FAM13A: variants seen among roughly 807,000 people sequenced by gnomAD.
The protein encoded by FAM13A is family with sequence similarity 13 member A.
Under a neutral mutation model 129.6 loss-of-function variants are expected in FAM13A, and 76 were observed. That is an observed-to-expected ratio of 0.59 (90% CI 0.49 to 0.71). The LOEUF is 0.71. FAM13A is among the 30% of genes least tolerant of loss of function. FAM13A has a pLI of 0.00. For missense variants in FAM13A, 1,108 were observed against 1,249.3 expected (o/e 0.89, Z 1.70); for synonymous variants, 443 against 449.9 (o/e 0.98, Z 0.20).
intron 14 of FAM13A, 73 bp downstream of exon 14, chr4:88,758,681 A>G: frequency 6.9e-7 from 1 of 1,440,916 alleles, no homozygotes; most frequent in South Asian, 1.3e-5. Flanking sequence ...TCACATAGTT[A>G]CATGCCTCTC....
chr4:88,741,089 T>C (rs1460734314), intron 19 of FAM13A, among the ~76,000 whole-genome samples: 2 of 152,202 alleles, frequency 1.3e-5, no homozygotes, highest in Non-Finnish European at 2.9e-5. Flanking sequence ...TGAAACACTT[T>C]GGAAAACTAT....
intron 4 of FAM13A, among the ~76,000 whole-genome samples, chr4:88,986,860 T>A (rs1224711364): frequency 1.3e-5 from 2 of 152,360 alleles, no homozygotes; most frequent in East Asian, 3.9e-4. Flanking sequence ...ATAAATCCAT[T>A]ATTTCTTCCA....
chr4:88,906,557 C>T, intron 5 of FAM13A, 95 bp from the exon 6 acceptor site: 1 of 806,138 alleles, frequency 1.2e-6, no homozygotes. Flanking sequence ...GAAGAGAGAG[C>T]ATTTCTGGAT....
At chr4:88,800,122 G>A (rs1174827219) in intron 8 of FAM13A, among the ~76,000 whole-genome samples, 2 of 152,158 alleles carry the variant, frequency 1.3e-5, no homozygotes, top group Non-Finnish European at 2.9e-5. Context: ...GACAGAGAGT[G>A]AAATGGTGGT....
intron 6 of FAM13A, among the ~76,000 whole-genome samples, chr4:88,872,061 A>G (rs558013226): frequency 6.6e-6 from 1 of 152,296 alleles, no homozygotes; most frequent in Non-Finnish European, 1.5e-5. Context: ...CACAAGTGAA[A>G]GAGAAATAAA....
intron 1 of FAM13A, among the ~76,000 whole-genome samples, chr4:89,052,652 G>A (rs1390562610): frequency 6.6e-6 from 1 of 151,894 alleles, no homozygotes; most frequent in Non-Finnish European, 1.5e-5. Flanking sequence ...GGCTTCTGTT[G>A]ACATGGCTGA....
At chr4:88,897,402 A>G (rs761924321) in intron 6 of FAM13A, among the ~76,000 whole-genome samples, 37 of 152,198 alleles carry the variant, frequency 2.4e-4, no homozygotes, top group Non-Finnish European at 4.1e-4. Flanking sequence ...ACTCAAATTA[A>G]GATGTGGCTT....
chr4:88,851,079 T>C lies in FAM13A; in HGVS notation c.948A>G (p.Lys316=). The C allele has an allele frequency of 6.2e-7, 1 of 1,614,034 alleles. No homozygotes were observed. Among genetic ancestry groups the C allele is most frequent in the Non-Finnish European group, 8.5e-7 (1 of 1,180,000 alleles). ...PQLSLRLSYR[K]ACLEDMNSAE... ...CTGAATTCATGTCTTCCAAGCAGGC[T>C]TTTCTATAACTTAGCCGCAAGCTGA... is the stretch of plus-strand genomic sequence containing the variant. Residue 316 remains lysine, a synonymous_variant, in exon 7 of 24, where the codon AAA becomes AAG. Coordinates refer to ENST00000264344, the MANE Select transcript of FAM13A (RefSeq NM_014883.4).
intron 8 of FAM13A, among the ~76,000 whole-genome samples, chr4:88,792,058 A>C (rs996607952): frequency 6.6e-6 from 1 of 152,140 alleles, no homozygotes; most frequent in Admixed American, 6.6e-5. Flanking sequence ...AGCTGATTCA[A>C]ATTCGTATTA....
intron 6 of FAM13A, among the ~76,000 whole-genome samples, chr4:88,862,122 T>C (rs76704358): frequency 0.11 from 16,825 of 152,276 alleles, 1,037 homozygotes; most frequent in Non-Finnish European, 0.14. Context: ...CTAGAGCTTG[T>C]AGTCTAGTGG....
intron 4 of FAM13A, among the ~76,000 whole-genome samples, chr4:88,988,533 A>G (rs1762548035): frequency 1.3e-5 from 2 of 152,226 alleles, no homozygotes; most frequent in South Asian, 4.1e-4. Context: ...AAAAATACAT[A>G]TTTACATATA....
intron 4 of FAM13A, among the ~76,000 whole-genome samples, chr4:88,957,145 G>A (rs1463637721): frequency 6.6e-6 from 1 of 152,198 alleles, no homozygotes; most frequent in African/African-American, 2.4e-5. Flanking sequence ...GGCTAACATG[G>A]TGAAATGCCA....
At position 88,781,496 on chromosome 4, in the gene FAM13A, T is replaced by C. The variant is rs1722860681; in HGVS notation, c.1272-145A>G. 1.5e-5 allele frequency: 8 copies of C among 530,142 alleles called. No individual in the cohort carries two copies. The South Asian group carries it at 2.4e-4, about 16-fold the overall frequency. 32.8% of individuals were successfully genotyped at this position (530,142 alleles called of 1,614,324 possible). On this transcript the variant is annotated intron_variant, in intron 10 of 23. Transcript: ENST00000264344. ...ATCTCTGATCAAAATCTGAGCAGAG[T>C]GCCACTCCTGGGACTGCTTGGTGCC...
intron 14 of FAM13A, 32 bp from the exon 15 acceptor site, chr4:88,750,669 T>A: frequency 6.6e-7 from 1 of 1,524,394 alleles, no homozygotes; most frequent in Non-Finnish European, 9.1e-7. Context: ...ATCAGGACTG[T>A]TCCTGAAAGA....
intron 10 of FAM13A, among the ~76,000 whole-genome samples, chr4:88,782,780 A>AG (rs1723201194): frequency 6.6e-6 from 1 of 152,188 alleles, no homozygotes; most frequent in Non-Finnish European, 1.5e-5. Flanking sequence ...AGAAGATGAT[A>AG]GGGACTAAAT....
intron 5 of FAM13A, among the ~76,000 whole-genome samples, chr4:88,925,723 A>G (rs1752028422): frequency 6.6e-6 from 1 of 151,960 alleles, no homozygotes; most frequent in Non-Finnish European, 1.5e-5. Context: ...AATAAAAATA[A>G]AAAAAGAGAA....
chr4:88,816,549 T>A (rs529214956), intron 7 of FAM13A, among the ~76,000 whole-genome samples: 1 of 152,282 alleles, frequency 6.6e-6, no homozygotes, highest in African/African-American at 2.4e-5. Context: ...TGTAGTGCAG[T>A]AAGTGTCTAT....
chr4:88,835,464 G>A (rs1734655366), intron 7 of FAM13A, among the ~76,000 whole-genome samples: 1 of 152,250 alleles, frequency 6.6e-6, no homozygotes, highest in African/African-American at 2.4e-5. Flanking sequence ...CTTTTCCACA[G>A]ACTAGGGGGT....
chr4:88,732,644 AT>A (rs1738087208), intron 21 of FAM13A: 1 of 149,932 alleles, frequency 6.7e-6, no homozygotes, highest in African/African-American at 2.5e-5. Flanking sequence ...AAAAAAAAAA[AT>A]CAGTCTGAAC....
Sources: allele counts gnomAD v4.1 joint callset (sites outside exome capture counted in the v4.1 genomes callset), GRCh38; gene constraint gnomAD v4.1.1; transcripts MANE v1.5; gene names NCBI Gene and HGNC (gene_info 2026-07-23, HGNC 2026-07-21).